EMG1: variants seen among roughly 807,000 people sequenced by gnomAD.
The protein encoded by EMG1 is EMG1 N1-specific pseudouridine methyltransferase, also known as ribosomal RNA small subunit methyltransferase NEP1.
A neutral mutation model predicts 26.9 loss-of-function variants in EMG1; 24 were observed. That is an observed-to-expected ratio of 0.89 (90% CI 0.65 to 1.26). The LOEUF (loss-of-function observed/expected upper bound fraction) is 1.26. EMG1 is among the 50% of genes most tolerant of loss of function. EMG1 has a pLI of 0.00. For missense variants in EMG1, 299 were observed against 307.6 expected (o/e 0.97, Z 0.21); for synonymous variants, 140 against 112.6 (o/e 1.24, Z -1.54).
chr12:6,997,419 G>GTGTGTA (rs1946646954), exon 8 of EMG1: 3 of 147,866 alleles, frequency 2.0e-5, no homozygotes, highest in Middle Eastern at 3.6e-3. Context: ...GTGTGTGTGT[G>GTGTGTA]TGTGTGTGTT....
At position 6,975,799 on chromosome 12, in the gene EMG1, G is replaced by C. The variant is rs1946391470; in HGVS notation, c.725G>C (p.Gly242Ala). The change falls in exon 6 of 6, where the codon GGG (glycine) becomes GCG (alanine). Residue 242 changes from glycine (G) to alanine (A), a missense_variant. By Grantham distance (60) the Gly-to-Ala change is moderately conservative (BLOSUM62 0). Coordinates refer to ENST00000599672, the MANE Select transcript of EMG1 (RefSeq NM_006331.8). ...ACCACAGCCTTTGAGGAAGTATGGG[G>C]GGTCATTTGACAGTAGTAGAACCTG... The part of the protein sequence containing the change: ...KLTTAFEEVW[G>A]VI 6.2e-7 allele frequency: 1 copy of C among 1,602,354 alleles called. No individual in the cohort carries two copies. Among genetic ancestry groups the C allele is most frequent in the Non-Finnish European group, 8.6e-7 (1 of 1,169,480 alleles).
chr12:6,977,083 T>G lies in EMG1; in HGVS notation c.*1274T>G. The G allele has an allele frequency of 9.0e-7, 1 of 1,114,182 alleles. No homozygotes were observed. Among genetic ancestry groups the G allele is most frequent in the East Asian group, 2.4e-5 (1 of 42,288 alleles). The allele number at this position is 1,114,182 out of a possible 1,614,324, so 69.0% of individuals were successfully genotyped here. A position where few individuals can be genotyped will look rare whatever the true frequency, so the allele number is the denominator to read the frequency against. On this transcript the variant is annotated 3_prime_UTR_variant, in exon 6 of 6. Transcript: ENST00000599672. The surrounding 1 kb of genome is among the most constrained non-coding windows in gnomAD (Gnocchi z 4.5). ...ATACTATTGTTTTTTTCCAGTCTGT[T>G]GCTCTATTCTGTAACCTGGTGGTAG...
At position 6,978,849 on chromosome 12, in the gene EMG1, A is replaced by T; in HGVS notation, c.*3040A>T. The T allele has an allele frequency of 1.0e-6, 1 of 969,866 alleles. No homozygotes were observed. The highest frequency in any genetic ancestry group is 1.5e-6 in the Non-Finnish European group (1 of 667,912). 60.1% of individuals were successfully genotyped at this position (969,866 alleles called of 1,614,324 possible). On this transcript the variant is annotated 3_prime_UTR_variant, in exon 6 of 6. Transcript: ENST00000599672. ...TGGCCTGATTGCCTTCACAATAGGC[A>T]GAGAGGAATAAGCAGAGGGCCTGGA...
At chr12:6,981,274 C>G, downstream of EMG1, 2 of 1,056,140 alleles carry the variant, frequency 1.9e-6, no homozygotes. Flanking sequence ...GCCCCACTGA[C>G]TGGGGTTCTT....
chr12:6,993,807 T>C (rs1456594957), intron 7 of EMG1, among the ~76,000 whole-genome samples: 3 of 152,216 alleles, frequency 2.0e-5, no homozygotes, highest in Non-Finnish European at 4.4e-5. Flanking sequence ...AGACAAGGTC[T>C]CACTATGTTG....
downstream of EMG1, chr12:6,982,764 G>A (rs1946484003): frequency 6.2e-7 from 1 of 1,613,354 alleles, no homozygotes; most frequent in Admixed American, 1.7e-5. Context: ...ACACAGCAGG[G>A]AGTGGTAGAG....
chr12:6,997,391 G>A (rs1222897027), exon 8 of EMG1: 4 of 143,702 alleles, frequency 2.8e-5, no homozygotes, highest in Admixed American at 7.0e-5. Context: ...GTGTGTGTGT[G>A]TGTGTGTGTG....
In EMG1 at chr12:6,971,046, T is replaced by C. The variant is rs782686642; in HGVS notation, c.123T>C (p.Arg41=). ...RLGAGNKIGG[R]RLIVVLEGAS... Reference sequence around the variant, plus strand: ...GGGCAGGAAACAAGATCGGAGGCCGTAGGCTTATTGTGGTGCTGGAAGGGG... The same window carrying C: ...GGGCAGGAAACAAGATCGGAGGCCGCAGGCTTATTGTGGTGCTGGAAGGGG... The change falls in exon 1 of 6, where the codon CGT becomes CGC. Residue 41 remains arginine (R), a synonymous_variant. Coordinates refer to ENST00000599672, the MANE Select transcript of EMG1 (RefSeq NM_006331.8). The C allele has an allele frequency of 6.2e-7, 1 of 1,611,476 alleles. No individual in the cohort carries two copies. Among genetic ancestry groups the C allele is most frequent in the South Asian group, 1.1e-5 (1 of 90,464 alleles).
Position 6,987,649 on chromosome 12 carries a change from TA to T in EMG1, c.*155-130del, listed in dbSNP as rs1323057143. 2 of 394,640 alleles carry T rather than the reference TA, an allele frequency of 5.1e-6. No homozygotes were observed. Among genetic ancestry groups the T allele is most frequent in the Admixed American group, 8.8e-5 (2 of 22,642 alleles). The allele number at this position is 394,640 out of a possible 1,614,324, so 24.4% of individuals were successfully genotyped here. A position where few individuals can be genotyped will look rare whatever the true frequency, so the allele number is the denominator to read the frequency against. On this transcript the variant is annotated intron_variant and NMD_transcript_variant, in intron 6 of 7. Transcript: ENST00000261406. The surrounding 1 kb of genome is among the most constrained non-coding windows in gnomAD (Gnocchi z 4.1). ...AGTAGATAATTATCTAGAGCACTCA[TA>T]AATAAGTTCTAGGTAGCTAAGTTTC...
chr12:6,989,079 C>T (rs782681579), downstream of EMG1, among the ~76,000 whole-genome samples: 7 of 151,496 alleles, frequency 4.6e-5, no homozygotes, highest in Admixed American at 2.0e-4. Context: ...GCCGAGATCA[C>T]GCCATTGCAC....
rs1440586271 is a variant in EMG1, at chr12:6,978,331, A to G, written c.*2522A>G. 4 of 1,601,830 alleles carry G rather than the reference A, an allele frequency of 2.5e-6. No individual in the cohort carries two copies. The African/African-American group carries it at 4.0e-5, about 16-fold the overall frequency. ...GGAACCAGGGTCCAGGCTCCCCACC[A>G]GCAGCTCACCGGGCCACCCAGGCGT... On this transcript the variant is annotated 3_prime_UTR_variant, in exon 6 of 6. Transcript: ENST00000599672.
chr12:6,970,973 A>T lies in EMG1; in HGVS notation c.50A>T (p.Glu17Val), dbSNP rs1338492839. ...GFKPRERSGG[E>V]QAQDWDALPP... Reference sequence around the variant, plus strand: ...AAGCCTCGTGAACGAAGCGGTGGGGAGCAGGCACAGGACTGGGATGCTCTG... The same window carrying T: ...AAGCCTCGTGAACGAAGCGGTGGGGTGCAGGCACAGGACTGGGATGCTCTG... Residue 17 changes from glutamate (E) to valine (V), a missense_variant, in exon 1 of 6, where the codon GAG (glutamate) becomes GTG (valine). Glu to Val is a moderately radical substitution (Grantham distance 121). Coordinates refer to ENST00000599672, the MANE Select transcript of EMG1 (RefSeq NM_006331.8). 1 of 1,612,922 alleles carries T rather than the reference A, an allele frequency of 6.2e-7. No homozygotes were observed. Among genetic ancestry groups the T allele is most frequent in the Non-Finnish European group, 8.5e-7 (1 of 1,179,424 alleles).
At chr12:6,989,273 A>G (rs1252784318), downstream of EMG1, among the ~76,000 whole-genome samples, 1 of 150,596 alleles carries the variant, frequency 6.6e-6, no homozygotes, top group Non-Finnish European at 1.5e-5. Context: ...CTAGAATGGG[A>G]CCTTTATAAT....
rs1555152989 is a variant in EMG1 at position 6,975,357 on chromosome 12, A to T, written c.600A>T (p.Val200=). Residue 200 remains valine (V), a synonymous_variant, in exon 5 of 6, where the codon GTA becomes GTT. Coordinates refer to ENST00000599672, the MANE Select transcript of EMG1 (RefSeq NM_006331.8). The stretch of plus-strand genomic sequence containing the variant: ...GCAGTGATCCTATTGTTTTTGTGGT[A>T]GGGGCCTTTGCCCATGGCAAGGTAA... ...VPSSDPIVFV[V]GAFAHGKVSV... 1 of 1,603,464 alleles carries T rather than the reference A, an allele frequency of 6.2e-7. No homozygotes were observed. Among genetic ancestry groups the T allele is most frequent in the Non-Finnish European group, 8.5e-7 (1 of 1,174,494 alleles).
chr12:6,996,678 G>A (rs145168248), intron 7 of EMG1, among the ~76,000 whole-genome samples: 49 of 152,248 alleles, frequency 3.2e-4, no homozygotes, highest in African/African-American at 1.2e-3. Flanking sequence ...AGGCATTGGG[G>A]GAATATGGTA....
At chr12:6,982,163 A>AT (rs1482157001), downstream of EMG1, among the ~76,000 whole-genome samples, 5 of 151,784 alleles carry the variant, frequency 3.3e-5, no homozygotes, top group African/African-American at 9.7e-5. Context: ...CTAATTTTTA[A>AT]TTTTTTTTGT....
downstream of EMG1, chr12:6,981,289 T>G: frequency 1.1e-6 from 1 of 895,940 alleles, no homozygotes; most frequent in Non-Finnish European, 1.7e-6. Flanking sequence ...GTTCTTCAAA[T>G]AGCCTTCTCT....
downstream of EMG1, among the ~76,000 whole-genome samples, chr12:6,989,582 G>A (rs1235253865): frequency 6.6e-6 from 1 of 152,134 alleles, no homozygotes; most frequent in Non-Finnish European, 1.5e-5. Context: ...ACAAGCGTGA[G>A]TCACCGTGCC....
chr12:6,977,977 C>CT lies in EMG1; in HGVS notation c.*2169dup, dbSNP rs1452652670. 4 of 575,670 alleles carry CT rather than the reference C, an allele frequency of 6.9e-6. No individual in the cohort carries two copies. The Admixed American group carries it at 1.2e-4, about 18-fold the overall frequency. The allele number at this position is 575,670 out of a possible 1,614,324, so 35.7% of individuals were successfully genotyped here. On this transcript the variant is annotated 3_prime_UTR_variant, in exon 6 of 6. Coordinates refer to ENST00000599672, the MANE Select transcript of EMG1 (RefSeq NM_006331.8). The surrounding 1 kb of genome is among the most constrained non-coding windows in gnomAD (Gnocchi z 4.5). ...GAGCCACTTGGTTCAGCAGCAGTGA[C>CT]TGAGGCTGATGCTGAGATCAGTGGT...
Sources: gnomAD v4.1 joint callset for allele counts (sites outside exome capture counted in the v4.1 genomes callset) on GRCh38, gnomAD v4.1.1 for gene constraint, Gnocchi (gnomAD v3.1) non-coding constraint, MANE v1.5 for transcripts, NCBI Gene and HGNC (gene_info 2026-07-23, HGNC 2026-07-21) for gene names.